Variants in STAB2 observed in about 807,000 individuals in gnomAD.
The protein encoded by STAB2 is stabilin 2.
STAB2 carries 288 observed loss-of-function variants against 338.1 expected under a neutral mutation model. The ratio of observed to expected loss-of-function variants is 0.85; its 90% CI spans 0.77 to 0.94. The LOEUF (loss-of-function observed/expected upper bound fraction) is 0.94. Ranked by LOEUF, STAB2 falls within the 40% of genes least tolerant of loss-of-function variation. The pLI, the probability that STAB2 is intolerant of heterozygous loss-of-function variation, is 0.00. For missense variants in STAB2, 3,141 were observed against 3,210.1 expected, an observed-to-expected ratio of 0.98 and a Z score of 0.52; for synonymous variants, 1,202 against 1,193.3, an observed-to-expected ratio of 1.01 and a Z score of -0.15.
chr12:103,747,922 G>T (rs1207139315), intron 58 of STAB2, among the ~76,000 whole-genome samples: 3 of 150,482 alleles, frequency 2.0e-5, no homozygotes, highest in Non-Finnish European at 4.4e-5. Flanking sequence ...CTGAACCCAG[G>T]AGGCAGAGGT....
chr12:103,695,360 C>T (rs925917317), intron 31 of STAB2, among the ~76,000 whole-genome samples, 190 bp from the exon 32 acceptor site: 7 of 152,320 alleles, frequency 4.6e-5, no homozygotes, highest in Admixed American at 2.0e-4. Flanking sequence ...ACTAACATCT[C>T]CAACTCTGCT....
At chr12:103,632,061 G>A (rs1957472270) in intron 6 of STAB2, among the ~76,000 whole-genome samples, 1 of 152,202 alleles carries the variant, frequency 6.6e-6, no homozygotes, top group South Asian at 2.1e-4. Flanking sequence ...TCTCAATTAT[G>A]AGCCTCAAAG....
chr12:103,659,258 A>G (rs1874420997), intron 15 of STAB2, among the ~76,000 whole-genome samples: 2 of 152,250 alleles, frequency 1.3e-5, no homozygotes, highest in Admixed American at 1.3e-4. Context: ...GGCATAGACC[A>G]GGATTGTACC....
chr12:103,660,879 T>G (rs780205437), intron 17 of STAB2, 116 bp downstream of exon 17: 14 of 1,143,404 alleles, frequency 1.2e-5, no homozygotes, highest in African/African-American at 3.0e-5. Context: ...TCTTTATGAT[T>G]ATTTCATTCA....
chr12:103,640,108 T>A lies in STAB2; in HGVS notation c.907-15T>A. 1 of 1,595,270 alleles carries A rather than the reference T, an allele frequency of 6.3e-7. No homozygotes were observed. Among genetic ancestry groups the A allele is most frequent in the Non-Finnish European group, 8.5e-7 (1 of 1,169,816 alleles). ...ACTAGGATCCTATTTGTTTTTCTCT[T>A]CCTGTCTACTGAAGTCTCACTGCGA... is the stretch of plus-strand genomic sequence containing the variant. On this transcript the variant is annotated splice_polypyrimidine_tract_variant and intron_variant, in intron 8 of 68. Transcript: ENST00000388887.
chr12:103,690,283 T>C (rs1364643761), intron 29 of STAB2, 141 bp from the exon 30 acceptor site: 2 of 781,530 alleles, frequency 2.6e-6, no homozygotes, highest in Non-Finnish European at 4.0e-6. Flanking sequence ...AGTAACTAAC[T>C]CTAGCCAAGG....
intron 58 of STAB2, among the ~76,000 whole-genome samples, chr12:103,748,605 TACACACACACACACACACACACACAC>T (rs71097994): frequency 0.058 from 8,295 of 141,830 alleles, 262 homozygotes; most frequent in Non-Finnish European, 0.068. Context: ...CACACACACA[TACACACACACACACACACACACACAC>T]ACACACACAC....
chr12:103,709,082 C>T (rs368403956), intron 39 of STAB2, among the ~76,000 whole-genome samples: 8 of 152,230 alleles, frequency 5.3e-5, no homozygotes, highest in South Asian at 2.1e-4. Flanking sequence ...GGTTGTCCTC[C>T]GGAGGAAATA....
intron 7 of STAB2, among the ~76,000 whole-genome samples, chr12:103,637,810 G>T (rs779225401): frequency 2.0e-5 from 3 of 152,148 alleles, no homozygotes; most frequent in Non-Finnish European, 4.4e-5. Flanking sequence ...CACACAAAAT[G>T]GCCTACTAAT....
intron 9 of STAB2, 115 bp downstream of exon 9, chr12:103,640,371 C>G: frequency 7.5e-7 from 1 of 1,335,808 alleles, no homozygotes; most frequent in Non-Finnish European, 1.0e-6. Flanking sequence ...TGCATCCACC[C>G]CCACCCCACA....
chr12:103,626,756 C>A (rs1565969875), intron 5 of STAB2, among the ~76,000 whole-genome samples: 1 of 152,156 alleles, frequency 6.6e-6, no homozygotes, highest in South Asian at 2.1e-4. Context: ...GTAAGTAGGA[C>A]AGCTCTATTA....
chr12:103,701,529 A>G lies in STAB2; in HGVS notation c.3715-1619A>G, dbSNP rs950546284. Among the ~76,000 whole-genome samples the G allele has an allele frequency of 2.0e-5, 3 of 152,236 alleles. No individual in the cohort carries two copies. The East Asian group carries it at 5.8e-4, about 29-fold the overall frequency. On this transcript the variant is annotated intron_variant, in intron 34 of 68. Coordinates refer to ENST00000388887, the MANE Select transcript of STAB2 (RefSeq NM_017564.10). ...TAAATGAGTAGACACAGTCAAGTCAAAATTTCAATGTGATCCATAATTCTC... is the reference window on the plus strand; with the variant it reads ...TAAATGAGTAGACACAGTCAAGTCAGAATTTCAATGTGATCCATAATTCTC...
chr12:103,689,940 A>T lies in STAB2; in HGVS notation c.3140A>T (p.Lys1047Ile), dbSNP rs569064317. ...ACTGAGGACATGGACCAGGATGAGA[A>T]AAGCTTCTGGTTGTCACAGAGCAAT... Reference protein sequence around the residue: ...QATEDMDQDEKSFWLSQSNIP... With the variant: ...QATEDMDQDEISFWLSQSNIP... The change falls in exon 29 of 69, where the codon AAA becomes ATA. Residue 1047 changes from lysine to isoleucine, a missense_variant. Physicochemically the swap from Lys to Ile is moderately radical, Grantham distance 102 (BLOSUM62 -3). Coordinates refer to ENST00000388887, the MANE Select transcript of STAB2 (RefSeq NM_017564.10). The T allele has an allele frequency of 2.9e-4, 468 of 1,614,178 alleles. 7 individuals carry two copies. The South Asian group carries it at 4.8e-3, about 17-fold the overall frequency.
intron 5 of STAB2, among the ~76,000 whole-genome samples, chr12:103,622,977 G>A (rs532409260): frequency 6.6e-6 from 1 of 152,246 alleles, no homozygotes; most frequent in South Asian, 2.1e-4. Context: ...AGTGATTGTT[G>A]CTCCAAATTA....
In STAB2 at chr12:103,706,911, T is replaced by C. The variant is rs144740641; in HGVS notation, c.4116T>C (p.Cys1372=). The C allele has an allele frequency of 2.4e-5, 38 of 1,614,138 alleles. No individual in the cohort carries two copies. The African/African-American group carries it at 4.5e-4, about 19-fold the overall frequency. Residue 1372 remains cysteine, a synonymous_variant, in exon 38 of 69, where the codon TGT becomes TGC. Transcript: ENST00000388887. Reference sequence around the variant, plus strand: ...ATGGAGTGAATGGCACAGGTGTGTGTGAGTGTGGGGAGGGCTTCAGCGGCA... The same window carrying C: ...ATGGAGTGAATGGCACAGGTGTGTGCGAGTGTGGGGAGGGCTTCAGCGGCA... ...CLDGVNGTGV[C]ECGEGFSGTA... is the part of the protein sequence containing the mutation.
chr12:103,640,240 G>A lies in STAB2; in HGVS notation c.1024G>A (p.Ala342Thr), dbSNP rs745609486. ...TAGGAATGCAAATTGCACCACCGTC[G>A]CACCAGGCCGAACTGAGTAAGTCTT... is the stretch of plus-strand genomic sequence containing the variant. ...CHRNANCTTV[A>T]PGRTECICQK... Residue 342 changes from alanine to threonine, a missense_variant, in exon 9 of 69, where the codon GCA becomes ACA. Coordinates refer to ENST00000388887, the MANE Select transcript of STAB2 (RefSeq NM_017564.10). 1.7e-5 allele frequency: 28 copies of A among 1,612,838 alleles called. No individual in the cohort carries two copies. The highest frequency in any genetic ancestry group is 1.5e-4 in the Admixed American group (9 of 59,934).
intron 3 of STAB2, among the ~76,000 whole-genome samples, chr12:103,615,530 T>C (rs1295643008): frequency 6.6e-6 from 1 of 152,130 alleles, no homozygotes; most frequent in Non-Finnish European, 1.5e-5. Flanking sequence ...ATGAGAAGTG[T>C]AGTCTCATGA....
At chr12:103,626,607 T>C (rs1957384455) in intron 5 of STAB2, among the ~76,000 whole-genome samples, 1 of 152,212 alleles carries the variant, frequency 6.6e-6, no homozygotes. Flanking sequence ...AATGGATGAA[T>C]GAATGACTCA....
At chr12:103,624,605 A>G (rs1456934725) in intron 5 of STAB2, among the ~76,000 whole-genome samples, 3 of 152,220 alleles carry the variant, frequency 2.0e-5, no homozygotes, top group Non-Finnish European at 4.4e-5. Context: ...CCACTGTCCC[A>G]TAGAGATTAT....
Sources: allele counts gnomAD v4.1 joint callset (sites outside exome capture counted in the v4.1 genomes callset), GRCh38; gene constraint gnomAD v4.1.1; transcripts MANE v1.5; gene names NCBI Gene and HGNC (gene_info 2026-07-23, HGNC 2026-07-21).